ZNF106: variants seen among roughly 807,000 people sequenced by gnomAD.
ZNF106 encodes the protein SH3-domain binding protein 3.
In ZNF106, 67 loss-of-function variants were observed where a neutral mutation model predicts 195.1. That is an observed-to-expected ratio of 0.34 (90% CI 0.28 to 0.42). The LOEUF is 0.42. Ranked by LOEUF, ZNF106 falls within the 10% of genes least tolerant of loss-of-function variation. ZNF106 has a pLI of 1.00. For synonymous variants in ZNF106, 784 were observed against 818.6 expected, an observed-to-expected ratio of 0.96 and a Z score of 0.72; for missense variants, 2,118 against 2,304.5, an observed-to-expected ratio of 0.92 and a Z score of 1.66.
intron 1 of ZNF106, among the ~76,000 whole-genome samples, chr15:42,488,866 C>G (rs563468927): frequency 6.6e-6 from 1 of 152,162 alleles, no homozygotes; most frequent in East Asian, 1.9e-4. Flanking sequence ...CACCTAAGGT[C>G]AGGAGTTCAA....
intron 3 of ZNF106, among the ~76,000 whole-genome samples, chr15:42,460,107 C>T (rs1488424447): frequency 6.6e-6 from 1 of 151,886 alleles, no homozygotes; most frequent in Non-Finnish European, 1.5e-5. Context: ...AATATCTTAG[C>T]CTACTTTTCT....
At chr15:42,486,787 G>T (rs2057024493) in intron 1 of ZNF106, among the ~76,000 whole-genome samples, 1 of 148,596 alleles carries the variant, frequency 6.7e-6, no homozygotes, top group Non-Finnish European at 1.5e-5. Flanking sequence ...GTGAGGACTT[G>T]TTATATATAT....
intron 10 of ZNF106, among the ~76,000 whole-genome samples, chr15:42,440,038 C>T (rs2055442422): frequency 6.6e-6 from 1 of 152,202 alleles, no homozygotes; most frequent in Non-Finnish European, 1.5e-5. Context: ...TTATTCCCTA[C>T]AAAAGCTCCT....
Position 42,428,093 on chromosome 15 carries a change from G to T in ZNF106, c.4923C>A (p.Val1641=), listed in dbSNP as rs199856171. The T allele has an allele frequency of 6.2e-7, 1 of 1,614,068 alleles. No individual in the cohort carries two copies. The highest frequency in any genetic ancestry group is 1.3e-5 in the African/African-American group (1 of 75,016). The change falls in exon 15 of 22, where the codon GTC becomes GTA. Residue 1641 remains valine, a synonymous_variant. Coordinates refer to ENST00000564754, the MANE Select transcript of ZNF106 (RefSeq NM_001366845.3). The stretch of plus-strand genomic sequence containing the variant: ...TTCGCCATCTACTGTGGAGGCAGAG[G>T]ACCCGGTCTTCCAGCTGTAACTGCT... ...CVEQLQLEDR[V]LCLHSRWRIL... is the part of the protein sequence containing the mutation.
chr15:42,442,389 T>C lies in ZNF106; in HGVS notation c.3447A>G (p.Pro1149=). Residue 1149 remains proline (P), a synonymous_variant, in exon 10 of 22, where the codon CCA becomes CCG. Transcript: ENST00000564754. ...LQETYEPSEH[P]DQVPCSLTRE... ...GTGTGAGGCTACAGGGAACCTGGTC[T>C]GGGTGCTCAGAAGGTTCATATGTTT... 1.2e-6 allele frequency: 2 copies of C among 1,613,682 alleles called. No homozygotes were observed. The highest frequency in any genetic ancestry group is 1.7e-6 in the Non-Finnish European group (2 of 1,179,626).
rs2055612331 is a variant in ZNF106, at chr15:42,442,930, C to T, written c.3422-516G>A. On this transcript the variant is annotated intron_variant, in intron 9 of 21. Transcript: ENST00000564754. Reference sequence around the variant, plus strand: ...TCCTGAGTAGCTGGGATTACAGGAGCACGCCACCATGCCCAGCTAATTTTT... The same window carrying T: ...TCCTGAGTAGCTGGGATTACAGGAGTACGCCACCATGCCCAGCTAATTTTT... Among the ~76,000 whole-genome samples the T allele has an allele frequency of 2.0e-5, 3 of 152,060 alleles. No homozygotes were observed. The South Asian group carries it at 6.2e-4, about 32-fold the overall frequency.
At chr15:42,466,160 G>GAAAA in intron 2 of ZNF106, 46 bp from the exon 3 acceptor site, 3 of 1,151,710 alleles carry the variant, frequency 2.6e-6, no homozygotes, top group East Asian at 3.3e-5. Flanking sequence ...GGATTGCTTT[G>GAAAA]AAAAAAAAAA....
chr15:42,452,669 A>G (rs1040572706), intron 4 of ZNF106, among the ~76,000 whole-genome samples: 3 of 147,478 alleles, frequency 2.0e-5, no homozygotes, highest in African/African-American at 7.5e-5. Context: ...TATATTTTAT[A>G]GCTATAGTTA....
At chr15:42,431,974 G>C (rs765406454) in intron 14 of ZNF106, among the ~76,000 whole-genome samples, 1 of 152,110 alleles carries the variant, frequency 6.6e-6, no homozygotes, top group Non-Finnish European at 1.5e-5. Flanking sequence ...ATCAATTATT[G>C]AGAAAGGGTT....
chr15:42,438,955 G>C, intron 11 of ZNF106, 78 bp downstream of exon 11: 4 of 1,488,690 alleles, frequency 2.7e-6, no homozygotes, highest in Non-Finnish European at 3.6e-6. Context: ...AAGAAATTCT[G>C]ATTCATAATT....
chr15:42,421,883 A>G, intron 19 of ZNF106, 34 bp downstream of exon 19: 1 of 1,502,626 alleles, frequency 6.7e-7, no homozygotes, highest in Non-Finnish European at 8.9e-7. Flanking sequence ...AACACATTCA[A>G]AAGCAAATAT....
chr15:42,422,723 C>T (rs2412712), intron 17 of ZNF106, 103 bp from the exon 18 acceptor site: 6 of 1,182,118 alleles, frequency 5.1e-6, no homozygotes, highest in Non-Finnish European at 6.8e-6. Flanking sequence ...ATACTGTACA[C>T]ATATAATTAA....
intron 14 of ZNF106, among the ~76,000 whole-genome samples, chr15:42,430,200 A>T (rs2055001881): frequency 6.6e-6 from 1 of 152,074 alleles, no homozygotes. Flanking sequence ...TACACGTTAG[A>T]ACCCTTAATA....
intron 13 of ZNF106, 26 bp downstream of exon 13, chr15:42,437,206 A>G (rs748192426): frequency 3.7e-5 from 58 of 1,584,250 alleles, no homozygotes; most frequent in Non-Finnish European, 5.0e-5. Flanking sequence ...GCAACCAAAA[A>G]CATTCTACAT....
chr15:42,425,125 C>T (rs1349964240), intron 15 of ZNF106, 100 bp from the exon 16 acceptor site: 7 of 1,189,850 alleles, frequency 5.9e-6, no homozygotes, highest in Non-Finnish European at 7.2e-6. Context: ...GTCACCTGTA[C>T]TCAAATTTTC....
At chr15:42,472,362 G>T in intron 1 of ZNF106, 41 bp from the exon 2 acceptor site, 1 of 1,431,574 alleles carries the variant, frequency 7.0e-7, no homozygotes, top group Non-Finnish European at 9.4e-7. Flanking sequence ...TTTCTCCTCA[G>T]TACCTTCTTA....
chr15:42,454,853 C>T (rs1318224832), intron 4 of ZNF106, among the ~76,000 whole-genome samples: 2 of 151,452 alleles, frequency 1.3e-5, no homozygotes, highest in Admixed American at 6.6e-5. Flanking sequence ...GAGGTGTCAT[C>T]GTGCCACTGC....
rs1595461241 is a variant in ZNF106 at position 42,444,799 on chromosome 15, T to C, written c.3360+28A>G. The C allele has an allele frequency of 1.6e-5, 25 of 1,610,542 alleles. No individual in the cohort carries two copies. The East Asian group carries it at 5.4e-4, about 34-fold the overall frequency. On this transcript the variant is annotated intron_variant, in intron 8 of 21. Transcript: ENST00000564754. ...AAACAAGATTTCGGAGATGATCCAT[T>C]TTTATTAAATCCTCCACATGCTGTT...
intron 3 of ZNF106, 139 bp from the exon 4 acceptor site, chr15:42,457,297 C>A: frequency 6.6e-7 from 1 of 1,518,766 alleles, no homozygotes; most frequent in Non-Finnish European, 8.8e-7. Context: ...TTCAATGCTC[C>A]TTTCATCACT....
Sources: allele counts gnomAD v4.1 joint callset (sites outside exome capture counted in the v4.1 genomes callset), GRCh38; gene constraint gnomAD v4.1.1; transcripts MANE v1.5; gene names NCBI Gene and HGNC (gene_info 2026-07-23, HGNC 2026-07-21).